Variants in CRYZL1 observed in about 807,000 individuals in gnomAD.
CRYZL1 encodes the protein ferry endosomal RAB5 effector complex subunit 4.
In CRYZL1, 34 loss-of-function variants were observed where a neutral mutation model predicts 50.6. The ratio of observed to expected loss-of-function variants is 0.67; its 90% CI spans 0.51 to 0.89. The LOEUF is 0.89. Ranked by LOEUF, CRYZL1 falls within the 40% of genes least tolerant of loss-of-function variation. The probability of loss-of-function intolerance (pLI) is 0.00; values close to 1 mark genes in which losing one functional copy is unlikely to be tolerated. For synonymous variants in CRYZL1, 125 were observed against 134.3 expected (o/e 0.93, Z 0.48); for missense variants, 354 against 402.3 (o/e 0.88, Z 1.03).
intron 2 of CRYZL1, 30 bp downstream of exon 2, chr21:33,631,456 C>T: frequency 1.4e-6 from 2 of 1,440,798 alleles, no homozygotes; most frequent in Non-Finnish European, 1.9e-6. Context: ...AATACACTAA[C>T]TACTTTAATG....
At chr21:33,595,869 A>G (rs2086688616) in intron 10 of CRYZL1, 33 bp from the exon 11 acceptor site, 2 of 1,430,022 alleles carry the variant, frequency 1.4e-6, no homozygotes, top group Non-Finnish European at 2.0e-6. Flanking sequence ...CTAATCAATT[A>G]TTGTGAGTTT....
rs375615309 is a variant in CRYZL1 at position 33,602,231 on chromosome 21, C to T, written c.577+3G>A. On this transcript the variant is annotated splice_donor_region_variant and intron_variant, in intron 8 of 12. Transcript: ENST00000381554. ...TAAAGTCTGTGCTCATAATATTACC[C>T]ACCTATGGGAGGTCTGAATCTTTCA... The T allele has an allele frequency of 1.4e-6, 2 of 1,477,118 alleles. No homozygotes were observed. The highest frequency in any genetic ancestry group is 1.9e-6 in the Non-Finnish European group (2 of 1,056,860). 91.5% of individuals were successfully genotyped at this position (1,477,118 alleles called of 1,614,324 possible).
intron 1 of CRYZL1, chr21:33,641,172 T>A: frequency 6.4e-7 from 1 of 1,550,420 alleles, no homozygotes; most frequent in Non-Finnish European, 8.7e-7. Flanking sequence ...CCCAAGGCGA[T>A]GCTTACATCT....
At chr21:33,637,164 C>A (rs550660728) in intron 1 of CRYZL1, among the ~76,000 whole-genome samples, 1 of 152,020 alleles carries the variant, frequency 6.6e-6, no homozygotes, top group South Asian at 2.1e-4. Context: ...TAATTTAGAT[C>A]GCTGGGCGCG....
intron 10 of CRYZL1, 66 bp from the exon 11 acceptor site, chr21:33,595,902 C>T (rs1036417759): frequency 8.7e-5 from 93 of 1,070,306 alleles, no homozygotes; most frequent in East Asian, 6.4e-4. Flanking sequence ...ACTGGTATCT[C>T]GAGTCAGAAA....
intron 4 of CRYZL1, among the ~76,000 whole-genome samples, chr21:33,621,487 G>A (rs1224691313): frequency 2.0e-5 from 3 of 151,466 alleles, no homozygotes; most frequent in Non-Finnish European, 4.4e-5. Flanking sequence ...GACTACAGGC[G>A]CATGCCACCA....
intron 2 of CRYZL1, among the ~76,000 whole-genome samples, chr21:33,627,483 T>C (rs2087080970): frequency 6.6e-6 from 1 of 152,232 alleles, no homozygotes; most frequent in African/African-American, 2.4e-5. Flanking sequence ...TATGAAATAC[T>C]GATTTACATA....
At chr21:33,596,627 A>C (rs1254335204) in intron 10 of CRYZL1, among the ~76,000 whole-genome samples, 5 of 152,114 alleles carry the variant, frequency 3.3e-5, no homozygotes, top group Non-Finnish European at 7.4e-5. Flanking sequence ...AACAAGAGCG[A>C]AACTTTGTTC....
At chr21:33,599,372 CA>C in intron 8 of CRYZL1, 124 bp from the exon 9 acceptor site, 1 of 1,293,302 alleles carries the variant, frequency 7.7e-7, no homozygotes, top group Non-Finnish European at 1.1e-6. Flanking sequence ...GCAATTCAAA[CA>C]ATTACTGAAT....
chr21:33,604,510 C>A (rs1397569553), intron 6 of CRYZL1, among the ~76,000 whole-genome samples: 9 of 138,510 alleles, frequency 6.5e-5, no homozygotes, highest in Non-Finnish European at 1.1e-4. Context: ...GCCTGGGTGA[C>A]AGAGCAAGAC....
chr21:33,635,497 CCCA>C (rs2087195400), intron 1 of CRYZL1, among the ~76,000 whole-genome samples: 2 of 151,278 alleles, frequency 1.3e-5, no homozygotes, highest in South Asian at 2.1e-4. Context: ...ACTACAGGCG[CCCA>C]CCACCACACC....
intron 12 of CRYZL1, among the ~76,000 whole-genome samples, chr21:33,590,345 C>A (rs1265761775): frequency 6.6e-6 from 1 of 151,784 alleles, no homozygotes; most frequent in East Asian, 2.0e-4. Flanking sequence ...GTAATTCAAA[C>A]AAATTCGTCC....
chr21:33,604,953 T>C (rs1200642367), intron 6 of CRYZL1, among the ~76,000 whole-genome samples: 1 of 152,164 alleles, frequency 6.6e-6, no homozygotes, highest in Non-Finnish European at 1.5e-5. Flanking sequence ...CCCACAGTAG[T>C]GTCCTGTTGC....
chr21:33,619,499 A>C (rs1601341911), intron 4 of CRYZL1, among the ~76,000 whole-genome samples: 1 of 152,226 alleles, frequency 6.6e-6, no homozygotes, highest in East Asian at 1.9e-4. Context: ...GTGTTCACAT[A>C]ATCATGAAAG....
chr21:33,597,321 C>T lies in CRYZL1; in HGVS notation c.757G>A (p.Gly253Ser), dbSNP rs2086704746. ...GTTGTTACCCAGTGGCCTCCAACAC[C>T]AAGAAGTGTGATGATATCATGTTTA... ...PHKHDIITLL[G>S]VGGHWVTTEE... The change falls in exon 10 of 13, where the codon GGT becomes AGT. Residue 253 changes from glycine to serine, a missense_variant. By Grantham distance (56) the Gly-to-Ser change is moderately conservative. Transcript: ENST00000381554. 3.7e-6 allele frequency: 6 copies of T among 1,612,882 alleles called. No homozygotes were observed. The highest frequency in any genetic ancestry group is 5.1e-6 in the Non-Finnish European group (6 of 1,178,934).
At position 33,589,840 on chromosome 21, in the gene CRYZL1, C is replaced by G. The variant is rs2086623842; in HGVS notation, c.1032G>C (p.Lys344Asn). Reference protein sequence around the residue: ...EAVQKNQGRKKQVVQF With the variant: ...EAVQKNQGRKNQVVQF The stretch of plus-strand genomic sequence containing the variant: ...AAGAAAATTAAAATTGAACAACTTG[C>G]TTTTTTCTTCCTTGATTTTTCTGAA... The change falls in exon 13 of 13, where the codon AAG becomes AAC. Residue 344 changes from lysine (K) to asparagine (N), a missense_variant. Physicochemically the swap from Lys to Asn is moderately conservative, Grantham distance 94. Coordinates refer to ENST00000381554, the MANE Select transcript of CRYZL1 (RefSeq NM_145858.3). The G allele has an allele frequency of 6.2e-7, 1 of 1,610,320 alleles. No individual in the cohort carries two copies. Among genetic ancestry groups the G allele is most frequent in the South Asian group, 1.1e-5 (1 of 90,906 alleles).
chr21:33,640,337 G>A (rs1336605457), intron 1 of CRYZL1: 2 of 1,253,116 alleles, frequency 1.6e-6, no homozygotes, highest in African/African-American at 1.5e-5. Context: ...GGAAATTAGT[G>A]ATAAAAGGTA....
At chr21:33,625,514 C>T (rs778026210) in intron 2 of CRYZL1, among the ~76,000 whole-genome samples, 18 of 151,778 alleles carry the variant, frequency 1.2e-4, no homozygotes, top group Non-Finnish European at 1.9e-4. Context: ...GACAGGGTCT[C>T]ACTCTGTCTC....
At chr21:33,637,336 T>C (rs574744997) in intron 1 of CRYZL1, among the ~76,000 whole-genome samples, 3 of 151,620 alleles carry the variant, frequency 2.0e-5, no homozygotes, top group African/African-American at 4.8e-5. Context: ...TCCCAGCTAC[T>C]TGGGAGGCTG....
Sources: gnomAD v4.1 joint callset for allele counts (sites outside exome capture counted in the v4.1 genomes callset) on GRCh38, gnomAD v4.1.1 for gene constraint, MANE v1.5 for transcripts, NCBI Gene and HGNC (gene_info 2026-07-23, HGNC 2026-07-21) for gene names.